Variants in TEX11 observed in about 807,000 individuals in gnomAD.
TEX11 encodes testis-expressed protein 11.
In TEX11, 7 loss-of-function variants were observed where a neutral mutation model predicts 84.4. The ratio of observed to expected loss-of-function variants is 0.08; its 90% CI spans 0.05 to 0.16. The LOEUF (loss-of-function observed/expected upper bound fraction) is 0.16. TEX11 is among the 10% of genes least tolerant of loss of function. The probability of loss-of-function intolerance (pLI) is 1.00; values close to 1 mark genes in which losing one functional copy is unlikely to be tolerated. For missense variants in TEX11, 551 were observed against 660.5 expected, an observed-to-expected ratio of 0.83 and a Z score of 1.82; for synonymous variants, 264 against 222.8, an observed-to-expected ratio of 1.18 and a Z score of -1.64.
chrX:70,574,073 A>G (rs908565751), intron 25 of TEX11, among the ~76,000 whole-genome samples: 2 of 112,218 alleles, frequency 1.8e-5, no homozygotes, highest in African/African-American at 6.5e-5. Flanking sequence ...CCTTTTCTCT[A>G]TCTTCCTGTT....
chrX:70,538,277 TGAGGGAAAGGGAGTGATA>T (rs1179611580), intron 28 of TEX11, among the ~76,000 whole-genome samples: 7 of 110,986 alleles, frequency 6.3e-5, no homozygotes, highest in African/African-American at 2.0e-4. Context: ...TTAAAAGATT[TGAGGGAAAGGGAGTGATA>T]GAGCAAAAGT....
intron 11 of TEX11, among the ~76,000 whole-genome samples, chrX:70,730,496 T>G (rs1461036384): frequency 9.0e-6 from 1 of 111,607 alleles, no homozygotes; most frequent in East Asian, 2.8e-4. Flanking sequence ...AGGCAGGGGT[T>G]GCAATCTTAC....
chrX:70,570,352 C>T (rs73538795), intron 25 of TEX11, among the ~76,000 whole-genome samples: 9,383 of 112,143 alleles, frequency 0.084, 853 homozygotes, highest in African/African-American at 0.27. Context: ...TGAAACCTTG[C>T]ACTTCCCAAG....
chrX:70,661,982 C>T (rs969790059), intron 16 of TEX11, among the ~76,000 whole-genome samples: 13 of 112,268 alleles, frequency 1.2e-4, no homozygotes, highest in Non-Finnish European at 1.9e-4. Context: ...CAAAGGAATG[C>T]AGCTCCTCAT....
intron 11 of TEX11, among the ~76,000 whole-genome samples, chrX:70,726,997 C>T (rs904679807): frequency 7.2e-5 from 8 of 111,389 alleles, no homozygotes; most frequent in African/African-American, 2.6e-4. Flanking sequence ...CCATGCCTGG[C>T]TCCCTTCCTT....
intron 9 of TEX11, among the ~76,000 whole-genome samples, chrX:70,803,184 T>C (rs2091199239): frequency 8.9e-6 from 1 of 112,194 alleles, no homozygotes; most frequent in African/African-American, 3.2e-5. Flanking sequence ...TTTCCAAACC[T>C]TGCATTCGGA....
At chrX:70,786,957 A>G (rs1384088244) in intron 9 of TEX11, among the ~76,000 whole-genome samples, 1 of 110,797 alleles carries the variant, frequency 9.0e-6, no homozygotes, top group Non-Finnish European at 1.9e-5. Context: ...CAACTTGGAG[A>G]AACCCCATCT....
At chrX:70,573,555 C>T (rs2088633880) in intron 25 of TEX11, among the ~76,000 whole-genome samples, 1 of 111,285 alleles carries the variant, frequency 9.0e-6, no homozygotes, top group Non-Finnish European at 1.9e-5. Context: ...AAACTTTCAT[C>T]TCTGAGAATT....
the TEX11 span, among the ~76,000 whole-genome samples, chrX:70,511,537 A>G: frequency 0.024 from 2,521 of 104,458 alleles, 69 homozygotes; most frequent in African/African-American, 0.037. Context: ...GGTGGATCAC[A>G]AGGTCAGAAG....
At chrX:70,849,445 A>G (rs2091495647) in intron 7 of TEX11, among the ~76,000 whole-genome samples, 1 of 112,033 alleles carries the variant, frequency 8.9e-6, no homozygotes, top group Non-Finnish European at 1.9e-5. Flanking sequence ...GCATTATTCC[A>G]CAAAACCTAG....
At chrX:70,792,315 A>AAT (rs1556087562) in intron 9 of TEX11, among the ~76,000 whole-genome samples, 180 of 14,743 alleles carry the variant, frequency 0.012, no homozygotes, top group South Asian at 0.019. Context: ...AAAAAAAAAA[A>AAT]ATATATATAT....
intron 25 of TEX11, among the ~76,000 whole-genome samples, chrX:70,573,765 T>C (rs1437999440): frequency 3.6e-5 from 4 of 111,963 alleles, no homozygotes; most frequent in Non-Finnish European, 7.5e-5. Flanking sequence ...ATCTACTGTA[T>C]TTGGATAAAT....
chrX:70,843,202 G>A (rs1374347404), intron 7 of TEX11, among the ~76,000 whole-genome samples: 3 of 111,796 alleles, frequency 2.7e-5, no homozygotes, highest in Non-Finnish European at 5.6e-5. Flanking sequence ...CAAAGCTGGA[G>A]GCATCATGCT....
intron 7 of TEX11, among the ~76,000 whole-genome samples, chrX:70,840,000 T>C (rs1477371066): frequency 1.8e-5 from 2 of 111,842 alleles, no homozygotes; most frequent in African/African-American, 6.5e-5. Flanking sequence ...AATCTACGTC[T>C]GATTGGTGTA....
intron 13 of TEX11, among the ~76,000 whole-genome samples, chrX:70,689,670 C>T: frequency 8.9e-6 from 1 of 111,792 alleles, no homozygotes. Context: ...GAATAAAATA[C>T]ATATTCCCAA....
chrX:70,822,743 G>A (rs1293915398), intron 8 of TEX11, among the ~76,000 whole-genome samples: 1 of 111,523 alleles, frequency 9.0e-6, no homozygotes, highest in African/African-American at 3.3e-5. Context: ...GAGGGCTTCA[G>A]GCTGCTTCCA....
intron 9 of TEX11, among the ~76,000 whole-genome samples, chrX:70,783,494 G>A (rs771688864): frequency 1.8e-5 from 2 of 110,942 alleles, no homozygotes; most frequent in Non-Finnish European, 3.8e-5. Context: ...CAGAACTGAA[G>A]GAGAGACACA....
At chrX:70,694,293 T>C (rs775923926) in intron 13 of TEX11, among the ~76,000 whole-genome samples, 10 of 111,660 alleles carry the variant, frequency 9.0e-5, no homozygotes, top group East Asian at 2.8e-4. Flanking sequence ...TCTGCCCACG[T>C]TGGCCTCCCA....
chrX:70,824,589 G>A (rs2091334952), intron 8 of TEX11, among the ~76,000 whole-genome samples: 1 of 110,641 alleles, frequency 9.0e-6, no homozygotes, highest in South Asian at 3.9e-4. Flanking sequence ...CAGTCACAGT[G>A]CAACTGCAGA....
Sources: allele counts gnomAD v4.1 joint callset (sites outside exome capture counted in the v4.1 genomes callset), GRCh38; gene constraint gnomAD v4.1.1; transcripts MANE v1.5; gene names NCBI Gene and HGNC (gene_info 2026-07-23, HGNC 2026-07-21).